TANC2: variants seen among roughly 807,000 people sequenced by gnomAD.
The protein encoded by TANC2 is protein TANC2.
Under a neutral mutation model 210.5 loss-of-function variants are expected in TANC2, and 26 were observed. The observed-to-expected ratio is 0.12, with a 90% CI of 0.09 to 0.17. The LOEUF (loss-of-function observed/expected upper bound fraction) is 0.17. Among genes scored for constraint, TANC2 ranks in the 10% least tolerant of loss-of-function variants. The pLI is 1.00. For missense variants in TANC2, 2,129 were observed against 2,608.9 expected (o/e 0.82, Z 4.01); for synonymous variants, 931 against 967.1 (o/e 0.96, Z 0.69).
At chr17:63,090,625 G>A (rs1047095383) in intron 3 of TANC2, among the ~76,000 whole-genome samples, 8 of 152,150 alleles carry the variant, frequency 5.3e-5, no homozygotes, top group Non-Finnish European at 8.8e-5. Flanking sequence ...CATTTGGGTT[G>A]GTTCCAAGTC....
intron 8 of TANC2, among the ~76,000 whole-genome samples, chr17:63,244,280 CTG>C (rs1355951805): frequency 2.6e-5 from 4 of 152,208 alleles, no homozygotes; most frequent in Non-Finnish European, 5.9e-5. Flanking sequence ...TTTGCTGTGA[CTG>C]GACTATTTCC....
chr17:63,401,380 G>A (rs1384371823), intron 19 of TANC2, among the ~76,000 whole-genome samples: 1 of 152,096 alleles, frequency 6.6e-6, no homozygotes, highest in Admixed American at 6.5e-5. Context: ...AAACTATGTA[G>A]CCATTATTTT....
chr17:63,283,765 T>C (rs1240488832), intron 9 of TANC2, among the ~76,000 whole-genome samples: 1 of 152,030 alleles, frequency 6.6e-6, no homozygotes, highest in Non-Finnish European at 1.5e-5. Flanking sequence ...ATATTGCTTT[T>C]AGCTTAATTT....
At chr17:63,178,830 T>C (rs1223609445) in intron 5 of TANC2, among the ~76,000 whole-genome samples, 3 of 152,252 alleles carry the variant, frequency 2.0e-5, no homozygotes, top group East Asian at 3.8e-4. Context: ...GTATTATTTG[T>C]GTGCAGCTTG....
intron 14 of TANC2, among the ~76,000 whole-genome samples, chr17:63,371,662 TAAGACTAGCTATC>T (rs1300275873): frequency 3.3e-5 from 5 of 152,328 alleles, no homozygotes; most frequent in African/African-American, 1.2e-4. Context: ...AGAGAAACTT[TAAGACTAGCTATC>T]TCCTGGGGTG....
intron 9 of TANC2, among the ~76,000 whole-genome samples, chr17:63,287,016 C>G (rs919991604): frequency 1.3e-5 from 2 of 152,148 alleles, no homozygotes; most frequent in Non-Finnish European, 2.9e-5. Context: ...CCACTGCAAC[C>G]TCTGCCTCCC....
chr17:63,243,325 C>A (rs1335675742), intron 8 of TANC2, among the ~76,000 whole-genome samples: 4 of 152,164 alleles, frequency 2.6e-5, no homozygotes, highest in Non-Finnish European at 5.9e-5. Context: ...GCTATATATG[C>A]ATGTTATCTA....
At chr17:63,262,114 T>C (rs543340988) in intron 8 of TANC2, among the ~76,000 whole-genome samples, 74 of 152,312 alleles carry the variant, frequency 4.9e-4, no homozygotes, top group African/African-American at 1.5e-3. Context: ...CACACACATA[T>C]ATAACAAAAG....
At chr17:63,261,660 G>T (rs2043360818) in intron 8 of TANC2, among the ~76,000 whole-genome samples, 5 of 152,158 alleles carry the variant, frequency 3.3e-5, no homozygotes, top group Non-Finnish European at 7.4e-5. Flanking sequence ...TAAGACTAGG[G>T]TAATGCTGAT....
intron 13 of TANC2, among the ~76,000 whole-genome samples, chr17:63,352,916 A>G (rs1045413729): frequency 1.3e-5 from 2 of 152,182 alleles, no homozygotes; most frequent in African/African-American, 4.8e-5. Context: ...AAGGAACACA[A>G]AAAACAAATG....
chr17:63,180,473 A>G (rs1332673775), intron 5 of TANC2, among the ~76,000 whole-genome samples: 1 of 152,222 alleles, frequency 6.6e-6, no homozygotes, highest in East Asian at 1.9e-4. Context: ...AAGTATTACT[A>G]TTTAAACAGT....
intron 2 of TANC2, among the ~76,000 whole-genome samples, chr17:63,057,769 T>A (rs999256301): frequency 3.3e-5 from 5 of 152,224 alleles, no homozygotes; most frequent in African/African-American, 1.2e-4. Context: ...AATCTTGTTC[T>A]TTTTTATGGC....
At chr17:63,016,249 GA>G (rs2034102844) in intron 2 of TANC2, among the ~76,000 whole-genome samples, 1 of 152,108 alleles carries the variant, frequency 6.6e-6, no homozygotes, top group African/African-American at 2.4e-5. Flanking sequence ...ATTATATGTT[GA>G]AAAAGTATTT....
intron 8 of TANC2, among the ~76,000 whole-genome samples, chr17:63,242,189 C>CA (rs920945197): frequency 7.9e-5 from 12 of 151,910 alleles, no homozygotes; most frequent in Admixed American, 2.0e-4. Context: ...TTATTTTACC[C>CA]AAAAAAATGC....
chr17:63,201,351 G>T (rs2041527547), intron 7 of TANC2, among the ~76,000 whole-genome samples: 1 of 152,144 alleles, frequency 6.6e-6, no homozygotes, highest in Non-Finnish European at 1.5e-5. Context: ...GTTATGATTT[G>T]AGTTGTTCTG....
chr17:63,379,839 G>A lies in TANC2; in HGVS notation c.2691+13G>A, dbSNP rs188706528. 698 of 1,602,330 alleles carry A rather than the reference G, an allele frequency of 4.4e-4. No homozygotes were observed. The highest frequency in any genetic ancestry group is 5.6e-4 in the Non-Finnish European group (659 of 1,171,972). ...ACACATTTTTAAGGTAATTAAAGCA[G>A]TTGGAACCATTTTTCCGCCATCTCT... is the stretch of plus-strand genomic sequence containing the variant. On this transcript the variant is annotated intron_variant, in intron 15 of 27. Transcript: ENST00000689528.
chr17:63,120,989 A>G (rs2038453420), intron 4 of TANC2, among the ~76,000 whole-genome samples: 1 of 152,096 alleles, frequency 6.6e-6, no homozygotes, highest in South Asian at 2.1e-4. Flanking sequence ...GGTTTTCACT[A>G]ACTGAAACTT....
At chr17:63,314,960 T>A (rs2045268245) in intron 10 of TANC2, among the ~76,000 whole-genome samples, 1 of 152,192 alleles carries the variant, frequency 6.6e-6, no homozygotes, top group Admixed American at 6.5e-5. Flanking sequence ...ACCGCAGCAA[T>A]TGCCCGTAGA....
chr17:63,386,963 C>T (rs1238286265), intron 15 of TANC2, among the ~76,000 whole-genome samples: 1 of 152,020 alleles, frequency 6.6e-6, no homozygotes, highest in Admixed American at 6.5e-5. Flanking sequence ...AGCGATCCTC[C>T]CACCTCAGCC....
Sources: gnomAD v4.1 joint callset for allele counts (sites outside exome capture counted in the v4.1 genomes callset) on GRCh38, gnomAD v4.1.1 for gene constraint, MANE v1.5 for transcripts, NCBI Gene and HGNC (gene_info 2026-07-23, HGNC 2026-07-21) for gene names.